The following SHISA6 variants were observed in gnomAD, a reference collection of about 807,000 sequenced individuals.
SHISA6 encodes the protein shisa family member 6.
Under a neutral mutation model 47.9 loss-of-function variants are expected in SHISA6, and 22 were observed. The observed-to-expected ratio is 0.46, with a 90% CI of 0.33 to 0.66. SHISA6 has a LOEUF of 0.66. Ranked by LOEUF, SHISA6 falls within the 30% of genes least tolerant of loss-of-function variation. The pLI is 0.02. For synonymous variants in SHISA6, 388 were observed against 337.8 expected, an observed-to-expected ratio of 1.15 and a Z score of -1.63; for missense variants, 680 against 764.6, an observed-to-expected ratio of 0.89 and a Z score of 1.30.
At chr17:11,481,812 A>G (rs1030103114) in intron 3 of SHISA6, among the ~76,000 whole-genome samples, 1 of 152,042 alleles carries the variant, frequency 6.6e-6, no homozygotes, top group Non-Finnish European at 1.5e-5. Context: ...ATTTAAGAGC[A>G]TGGTAGGTTA....
chr17:11,266,371 C>T (rs1233431278), intron 2 of SHISA6, among the ~76,000 whole-genome samples: 1 of 152,150 alleles, frequency 6.6e-6, no homozygotes, highest in Non-Finnish European at 1.5e-5. Context: ...GTGGGAAATG[C>T]AGAATCCCAG....
At chr17:11,320,343 G>C (rs1261223715) in intron 2 of SHISA6, among the ~76,000 whole-genome samples, 1 of 152,092 alleles carries the variant, frequency 6.6e-6, no homozygotes, top group African/African-American at 2.4e-5. Flanking sequence ...GTTTGTGCAT[G>C]GGGGGTGGGG....
intron 3 of SHISA6, among the ~76,000 whole-genome samples, chr17:11,492,272 T>G (rs1043503456): frequency 6.6e-6 from 1 of 152,108 alleles, no homozygotes; most frequent in African/African-American, 2.4e-5. Context: ...CCTCTTAGTG[T>G]TCAATCTAGG....
At chr17:11,316,329 CTTTTTT>C (rs66540376) in intron 2 of SHISA6, among the ~76,000 whole-genome samples, 1 of 103,674 alleles carries the variant, frequency 9.6e-6, no homozygotes, top group Non-Finnish European at 1.8e-5. Context: ...ATTTTCAGGT[CTTTTTT>C]TTTTTTTTTT....
chr17:11,405,066 G>T (rs1213898220), intron 3 of SHISA6, among the ~76,000 whole-genome samples: 7 of 151,998 alleles, frequency 4.6e-5, no homozygotes, highest in African/African-American at 1.7e-4. Flanking sequence ...TTGCAAATCT[G>T]ACTCAGCAAA....
At chr17:11,366,285 C>A (rs1912447689) in intron 2 of SHISA6, among the ~76,000 whole-genome samples, 1 of 152,182 alleles carries the variant, frequency 6.6e-6, no homozygotes, top group Non-Finnish European at 1.5e-5. Flanking sequence ...GTAGCTGGGA[C>A]TACAGGCACA....
At chr17:11,363,821 C>T (rs1912363349) in intron 2 of SHISA6, among the ~76,000 whole-genome samples, 1 of 152,160 alleles carries the variant, frequency 6.6e-6, no homozygotes, top group Non-Finnish European at 1.5e-5. Flanking sequence ...TGGCAATGAC[C>T]TGGAAGTTAC....
chr17:11,532,040 G>C (rs1052656196), intron 3 of SHISA6, among the ~76,000 whole-genome samples: 2 of 152,164 alleles, frequency 1.3e-5, no homozygotes, highest in African/African-American at 4.8e-5. Context: ...TGAAAAACTA[G>C]GAGATGTGAG....
At chr17:11,256,187 C>T (rs1908000880) in intron 1 of SHISA6, among the ~76,000 whole-genome samples, 1 of 152,108 alleles carries the variant, frequency 6.6e-6, no homozygotes. Context: ...AGGTCTGAGC[C>T]CATTGCAAAT....
chr17:11,345,276 AC>A (rs1911663421), intron 2 of SHISA6, among the ~76,000 whole-genome samples: 1 of 151,450 alleles, frequency 6.6e-6, no homozygotes, highest in Admixed American at 6.6e-5. Flanking sequence ...TATCTCCTCA[AC>A]ATAACAATTT....
chr17:11,439,038 G>T (rs1331734038), intron 3 of SHISA6, among the ~76,000 whole-genome samples: 2 of 152,104 alleles, frequency 1.3e-5, no homozygotes, highest in Non-Finnish European at 2.9e-5. Context: ...ATTACAGGGG[G>T]TTCTGGGGAG....
chr17:11,429,466 T>C (rs980145455), intron 3 of SHISA6, among the ~76,000 whole-genome samples: 57 of 152,002 alleles, frequency 3.7e-4, no homozygotes, highest in African/African-American at 1.4e-3. Context: ...ATCTGTCCAA[T>C]TGAACTTTTT....
intron 3 of SHISA6, among the ~76,000 whole-genome samples, chr17:11,487,880 C>T (rs548195040): frequency 3.2e-4 from 49 of 152,238 alleles, no homozygotes; most frequent in Admixed American, 2.2e-3. Flanking sequence ...TCCGTGAGGG[C>T]CGTAAAGTGC....
intron 2 of SHISA6, among the ~76,000 whole-genome samples, chr17:11,349,780 G>T (rs1037738633): frequency 2.6e-4 from 39 of 152,168 alleles, no homozygotes; most frequent in Admixed American, 2.4e-3. Flanking sequence ...TCTTGAAAAA[G>T]AGAGATTATT....
At chr17:11,256,481 G>A (rs1908011500) in intron 1 of SHISA6, among the ~76,000 whole-genome samples, 1 of 152,120 alleles carries the variant, frequency 6.6e-6, no homozygotes, top group Non-Finnish European at 1.5e-5. Flanking sequence ...GGGTAACAGA[G>A]CGAGACTCTA....
chr17:11,401,331 G>A (rs1480045352), intron 3 of SHISA6, among the ~76,000 whole-genome samples: 2 of 152,116 alleles, frequency 1.3e-5, no homozygotes, highest in African/African-American at 2.4e-5. Context: ...GAGTAGCTGG[G>A]ACCACAGACA....
At chr17:11,335,674 T>A (rs1191685220) in intron 2 of SHISA6, among the ~76,000 whole-genome samples, 2 of 152,086 alleles carry the variant, frequency 1.3e-5, no homozygotes, top group African/African-American at 4.8e-5. Context: ...GAAACTGGAA[T>A]ATTTTCCCAC....
At chr17:11,459,056 A>T (rs972209922) in intron 3 of SHISA6, among the ~76,000 whole-genome samples, 15 of 151,866 alleles carry the variant, frequency 9.9e-5, no homozygotes, top group Admixed American at 6.6e-4. Context: ...CTAAAAAAAA[A>T]AAATGCAAAA....
intron 3 of SHISA6, among the ~76,000 whole-genome samples, chr17:11,443,975 A>T (rs1915162955): frequency 6.6e-6 from 1 of 152,212 alleles, no homozygotes; most frequent in African/African-American, 2.4e-5. Context: ...AGTGATATTT[A>T]TAAAATAAAG....
Sources: allele counts gnomAD v4.1 joint callset (sites outside exome capture counted in the v4.1 genomes callset), GRCh38; gene constraint gnomAD v4.1.1; transcripts MANE v1.5; gene names NCBI Gene and HGNC (gene_info 2026-07-23, HGNC 2026-07-21).